TFB1M: variants seen among roughly 807,000 people sequenced by gnomAD.
The protein encoded by TFB1M is transcription factor B1, mitochondrial.
TFB1M carries 27 observed loss-of-function variants against 31.1 expected under a neutral mutation model. That is an observed-to-expected ratio of 0.87 (90% CI 0.64 to 1.20). The LOEUF (loss-of-function observed/expected upper bound fraction) is 1.20. Among genes scored for constraint, TFB1M ranks in the 50% most tolerant of loss-of-function variants. The pLI is 0.00. For missense variants in TFB1M, 394 were observed against 418.7 expected (o/e 0.94, Z 0.51); for synonymous variants, 166 against 151.8 (o/e 1.09, Z -0.69).
downstream of TFB1M, chr6:155,252,064 G>A (rs762222789): frequency 1.2e-4 from 165 of 1,395,868 alleles, no homozygotes; most frequent in Non-Finnish European, 8.1e-5. Flanking sequence ...TCCTATTAAC[G>A]TTGAACTGAA....
the TFB1M span, among the ~76,000 whole-genome samples, chr6:155,238,329 G>A: frequency 2.0e-5 from 3 of 152,202 alleles, no homozygotes; most frequent in Admixed American, 6.5e-5. Context: ...CATTCAACAA[G>A]TCTCTAGGAA....
At chr6:155,273,718 T>G (rs972014783) in intron 5 of TFB1M, among the ~76,000 whole-genome samples, 8 of 152,036 alleles carry the variant, frequency 5.3e-5, no homozygotes, top group African/African-American at 1.9e-4. Flanking sequence ...GATGACCCTG[T>G]GAGGTAGGAG....
Position 155,275,554 on chromosome 6 carries a change from A to C in TFB1M, c.666+9604T>G, listed in dbSNP as rs1562398024. The C allele has an allele frequency of 7.3e-6, 5 of 681,598 alleles. No individual in the cohort carries two copies. The Admixed American group carries it at 7.4e-5, about 10-fold the overall frequency. The allele number at this position is 681,598 out of a possible 1,614,324, so 42.2% of individuals were successfully genotyped here. ...GATGTGTTCTTGGCTCCTACTCTAA[A>C]GGGAAGCCTTTTGTTTACTTACTTT... On this transcript the variant is annotated intron_variant, in intron 5 of 6. Coordinates refer to ENST00000367166, the MANE Select transcript of TFB1M (RefSeq NM_016020.4).
intron 5 of TFB1M, among the ~76,000 whole-genome samples, chr6:155,272,918 GATT>G (rs1254957812): frequency 1.3e-5 from 2 of 152,276 alleles, no homozygotes; most frequent in Non-Finnish European, 2.9e-5. Flanking sequence ...GGAAGAAAAG[GATT>G]ATAATTGGTA....
intron 5 of TFB1M, among the ~76,000 whole-genome samples, chr6:155,268,140 C>A (rs1357553797): frequency 6.6e-6 from 1 of 152,132 alleles, no homozygotes; most frequent in Non-Finnish European, 1.5e-5. Flanking sequence ...AATATCTCTA[C>A]TCATCTAGTT....
At chr6:155,248,316 T>A in the TFB1M span, 2 of 1,001,954 alleles carry the variant, frequency 2.0e-6, no homozygotes, top group Non-Finnish European at 2.8e-6. Flanking sequence ...CTGCGATGGT[T>A]AATCTTAGGT....
At chr6:155,266,774 G>C (rs1784654743) in intron 5 of TFB1M, among the ~76,000 whole-genome samples, 1 of 146,114 alleles carries the variant, frequency 6.8e-6, no homozygotes. Context: ...GTGAGCCTGG[G>C]AGGCGGAGCT....
downstream of TFB1M, chr6:155,254,773 T>C (rs1783896595): frequency 5.1e-6 from 3 of 590,276 alleles, no homozygotes; most frequent in Non-Finnish European, 8.7e-6. Context: ...CCCCAGTCCC[T>C]TGTCTTCCTA....
chr6:155,297,911 G>A (rs376303205), intron 3 of TFB1M, among the ~76,000 whole-genome samples: 1 of 152,210 alleles, frequency 6.6e-6, no homozygotes, highest in Non-Finnish European at 1.5e-5. Flanking sequence ...TGGTCATGGG[G>A]GAGGCCAGAG....
the TFB1M span, among the ~76,000 whole-genome samples, chr6:155,230,631 T>C: frequency 6.6e-6 from 1 of 152,200 alleles, no homozygotes; most frequent in Admixed American, 6.5e-5. Flanking sequence ...TAGGAAAAGA[T>C]TCCATTAAAA....
At chr6:155,314,231 A>AC (rs768264896) in intron 1 of TFB1M, 65 bp downstream of exon 1, 69 of 1,594,084 alleles carry the variant, frequency 4.3e-5, no homozygotes, top group Non-Finnish European at 5.6e-5. Context: ...GACGTGCAAG[A>AC]CCCCCCGGCC....
chr6:155,251,868 T>TA, downstream of TFB1M: 16 of 1,151,804 alleles, frequency 1.4e-5, no homozygotes, highest in South Asian at 2.0e-4. Context: ...GTTACTCTGT[T>TA]AAGACGTTCA....
At position 155,311,988 on chromosome 6, in the gene TFB1M, T is replaced by C. The variant is rs59382527; in HGVS notation, c.134-649A>G. ...ACAGAAAAATTAATTTTTTAATTAA[T>C]CAAATTCAAGTTAGCAGCCCTTAAG... On this transcript the variant is annotated intron_variant, in intron 1 of 6. Coordinates refer to ENST00000367166, the MANE Select transcript of TFB1M (RefSeq NM_016020.4). Among the ~76,000 whole-genome samples the C allele has an allele frequency of 9.6e-3, 1,463 of 152,270 alleles. 25 individuals carry two copies. The highest frequency in any genetic ancestry group is 0.033 in the African/African-American group (1,374 of 41,546).
At chr6:155,253,817 G>GCT, downstream of TFB1M, 1 of 577,424 alleles carries the variant, frequency 1.7e-6, no homozygotes, top group Non-Finnish European at 3.0e-6. Context: ...TCTTGTAACT[G>GCT]TGAAAATCAT....
At chr6:155,250,617 G>A in the TFB1M span, 12 of 1,535,822 alleles carry the variant, frequency 7.8e-6, no homozygotes, top group African/African-American at 2.7e-5. Flanking sequence ...GAAGAACCAC[G>A]GACACTGGTA....
intron 5 of TFB1M, among the ~76,000 whole-genome samples, chr6:155,280,049 G>A (rs1395281232): frequency 2.6e-5 from 4 of 152,128 alleles, no homozygotes; most frequent in Non-Finnish European, 5.9e-5. Context: ...AACTGATAAA[G>A]ATGAAAGACT....
intron 5 of TFB1M, among the ~76,000 whole-genome samples, chr6:155,283,023 G>C (rs530055366): frequency 6.6e-6 from 1 of 151,976 alleles, no homozygotes; most frequent in African/African-American, 2.4e-5. Context: ...CACTGTGCCC[G>C]GCCCAAGAAA....
intron 5 of TFB1M, 59 bp downstream of exon 5, chr6:155,285,099 T>C: frequency 6.2e-7 from 1 of 1,603,474 alleles, no homozygotes; most frequent in Non-Finnish European, 8.5e-7. Flanking sequence ...CTATGACACA[T>C]CCTCAGGGGA....
At chr6:155,244,268 G>T in the TFB1M span, among the ~76,000 whole-genome samples, 586 of 152,346 alleles carry the variant, frequency 3.8e-3, 5 homozygotes, top group African/African-American at 0.013. Flanking sequence ...TGACCCAGTG[G>T]CAGAGTGTTT....
Sources: gnomAD v4.1 joint callset for allele counts (sites outside exome capture counted in the v4.1 genomes callset) on GRCh38, gnomAD v4.1.1 for gene constraint, MANE v1.5 for transcripts, NCBI Gene and HGNC (gene_info 2026-07-23, HGNC 2026-07-21) for gene names.